Variants in NRXN1 observed in about 807,000 individuals in gnomAD.
NRXN1 encodes the protein neurexin 1, also known as neurexin-1.
In NRXN1, 39 loss-of-function variants were observed where a neutral mutation model predicts 150.9. The observed-to-expected ratio is 0.26, with a 90% confidence interval of 0.20 to 0.34. The LOEUF (loss-of-function observed/expected upper bound fraction) is 0.34. Ranked by LOEUF, NRXN1 falls within the 10% of genes least tolerant of loss-of-function variation. NRXN1 has a pLI of 1.00. For missense variants in NRXN1, 1,815 were observed against 1,949.9 expected (o/e 0.93, Z 1.30); for synonymous variants, 924 against 757.0 (o/e 1.22, Z -3.62).
intron 5 of NRXN1, among the ~76,000 whole-genome samples, chr2:50,639,336 T>G (rs1683727929): frequency 6.6e-6 from 1 of 151,152 alleles, no homozygotes; most frequent in African/African-American, 2.4e-5. Context: ...TTCTCCTGCC[T>G]CAGGCTCCCA....
intron 17 of NRXN1, among the ~76,000 whole-genome samples, chr2:50,434,650 A>T (rs1013722396): frequency 2.0e-5 from 3 of 152,178 alleles, no homozygotes; most frequent in African/African-American, 7.2e-5. Context: ...AAATATATTT[A>T]CAGCCAATAA....
At chr2:50,771,339 A>T (rs1016600951) in intron 5 of NRXN1, among the ~76,000 whole-genome samples, 1 of 152,142 alleles carries the variant, frequency 6.6e-6, no homozygotes, top group Non-Finnish European at 1.5e-5. Flanking sequence ...AATAAAAAAA[A>T]ATAAATTATT....
chr2:50,440,916 A>T (rs2085895644), intron 17 of NRXN1, among the ~76,000 whole-genome samples: 1 of 152,174 alleles, frequency 6.6e-6, no homozygotes, highest in African/African-American at 2.4e-5. Context: ...CACAGGTGAA[A>T]TATGAATCTT....
chr2:50,451,417 A>G (rs1442263990), intron 17 of NRXN1, among the ~76,000 whole-genome samples: 1 of 152,224 alleles, frequency 6.6e-6, no homozygotes, highest in African/African-American at 2.4e-5. Flanking sequence ...AACGAGGTAT[A>G]CAAAGCTATT....
chr2:49,993,581 T>C (rs1032252104), intron 21 of NRXN1, among the ~76,000 whole-genome samples: 3 of 152,108 alleles, frequency 2.0e-5, no homozygotes, highest in Admixed American at 6.5e-5. Flanking sequence ...GGCTCACCAA[T>C]TGTAACAAAT....
At chr2:50,246,455 C>A (rs1354491706) in intron 17 of NRXN1, among the ~76,000 whole-genome samples, 1 of 152,018 alleles carries the variant, frequency 6.6e-6, no homozygotes, top group African/African-American at 2.4e-5. Context: ...TAGGCTAAAA[C>A]CAGAACCTTA....
intron 18 of NRXN1, among the ~76,000 whole-genome samples, chr2:50,191,783 A>G (rs1280860947): frequency 6.6e-6 from 1 of 152,186 alleles, no homozygotes; most frequent in African/African-American, 2.4e-5. Flanking sequence ...ATTGTTGCAT[A>G]GTATTCCATG....
chr2:50,402,731 C>A (rs909715420), intron 17 of NRXN1, among the ~76,000 whole-genome samples: 2 of 152,066 alleles, frequency 1.3e-5, no homozygotes, highest in Admixed American at 1.3e-4. Context: ...TTGTTTTATG[C>A]GTGAAGAATC....
rs527797910 is a variant in NRXN1, at chr2:50,158,497, A to T, written c.3547-67003T>A. Among the ~76,000 whole-genome samples the T allele has an allele frequency of 7.2e-5, 11 of 152,174 alleles. No homozygotes were observed. In the East Asian group the frequency reaches 2.1e-3, roughly 29 times the overall value. On this transcript the variant is annotated intron_variant, in intron 18 of 22. Coordinates refer to ENST00000401669, the MANE Select transcript of NRXN1 (RefSeq NM_001330078.2). ...TGGAAAAGGAAAAAAAGGGTTCTGG[A>T]CATTGTTATCCCAATGTTAATGTCC...
At chr2:50,358,444 C>T (rs372027539) in intron 17 of NRXN1, among the ~76,000 whole-genome samples, 4 of 152,312 alleles carry the variant, frequency 2.6e-5, no homozygotes, top group African/African-American at 9.6e-5. Context: ...TTTCCCCTCA[C>T]AATGTAAACA....
At chr2:51,022,692 G>A (rs1669815386) in intron 2 of NRXN1, among the ~76,000 whole-genome samples, 1 of 152,080 alleles carries the variant, frequency 6.6e-6, no homozygotes, top group Non-Finnish European at 1.5e-5. Context: ...CAAAATCTCT[G>A]AATCATTTTT....
intron 17 of NRXN1, among the ~76,000 whole-genome samples, chr2:50,274,263 A>G (rs2070117348): frequency 6.6e-6 from 1 of 152,084 alleles, no homozygotes; most frequent in Non-Finnish European, 1.5e-5. Flanking sequence ...ATTCTCAGCT[A>G]ACTAACATCA....
At chr2:50,545,142 G>A (rs2093466899) in intron 9 of NRXN1, among the ~76,000 whole-genome samples, 1 of 152,114 alleles carries the variant, frequency 6.6e-6, no homozygotes, top group African/African-American at 2.4e-5. Flanking sequence ...TGTATGGTAA[G>A]GGGAAACGCT....
chr2:50,515,925 C>CT (rs2092618565), intron 12 of NRXN1, among the ~76,000 whole-genome samples: 1 of 152,026 alleles, frequency 6.6e-6, no homozygotes, highest in South Asian at 2.1e-4. Context: ...ATTATGACAC[C>CT]TTCAGCCTAC....
At chr2:50,588,885 C>G (rs1285863600) in intron 8 of NRXN1, 2 of 152,098 alleles carry the variant, frequency 1.3e-5, no homozygotes, top group Non-Finnish European at 2.9e-5. Context: ...GCTCGTGTAT[C>G]CACGTCTATC....
chr2:50,517,829 G>A (rs1317454083), intron 12 of NRXN1, among the ~76,000 whole-genome samples: 1 of 152,110 alleles, frequency 6.6e-6, no homozygotes. Flanking sequence ...ACCTTGGAGA[G>A]TTGTTGGAAA....
chr2:50,622,628 T>A (rs773928855), intron 6 of NRXN1, among the ~76,000 whole-genome samples: 5 of 152,194 alleles, frequency 3.3e-5, no homozygotes, highest in Non-Finnish European at 5.9e-5. Context: ...ACAGATTTAG[T>A]AAATAGTTGA....
intron 12 of NRXN1, among the ~76,000 whole-genome samples, chr2:50,508,805 C>T (rs7598402): frequency 6.6e-6 from 1 of 151,924 alleles, no homozygotes; most frequent in Non-Finnish European, 1.5e-5. Context: ...AATCTCTGTG[C>T]GCCAACTTCT....
At chr2:50,115,223 A>G (rs1291758436) in intron 18 of NRXN1, among the ~76,000 whole-genome samples, 1 of 143,832 alleles carries the variant, frequency 7.0e-6, no homozygotes, top group Non-Finnish European at 1.5e-5. Flanking sequence ...ATGTGTATAT[A>G]TATATATATA....
Sources: gnomAD v4.1 joint callset for allele counts (sites outside exome capture counted in the v4.1 genomes callset) on GRCh38, gnomAD v4.1.1 for gene constraint, MANE v1.5 for transcripts, NCBI Gene and HGNC (gene_info 2026-07-23, HGNC 2026-07-21) for gene names.